Variants in OR7E24 observed in about 807,000 individuals in gnomAD.
OR7E24 encodes olfactory receptor 7E24.
For synonymous variants in OR7E24, 130 were observed against 157.5 expected (o/e 0.83, Z 1.31); for missense variants, 385 against 410.3 (o/e 0.94, Z 0.53).
upstream of OR7E24, chr19:9,247,300 C>A (rs1599233304): frequency 2.5e-6 from 1 of 392,668 alleles, no homozygotes; most frequent in Non-Finnish European, 4.5e-6. Context: ...CCCCAAGGCC[C>A]TAGAATAGTA....
At chr19:9,217,571 A>T in the OR7E24 span, among the ~76,000 whole-genome samples, 1 of 152,012 alleles carries the variant, frequency 6.6e-6, no homozygotes, top group Non-Finnish European at 1.5e-5. Context: ...TGGAATCTCG[A>T]TCTGTTGCCC....
the OR7E24 span, among the ~76,000 whole-genome samples, chr19:9,229,071 C>T: frequency 6.6e-6 from 1 of 152,066 alleles, no homozygotes; most frequent in African/African-American, 2.4e-5. Flanking sequence ...ACATTTTAAT[C>T]ATACTTCAAT....
At chr19:9,223,319 G>A in the OR7E24 span, among the ~76,000 whole-genome samples, 1 of 152,214 alleles carries the variant, frequency 6.6e-6, no homozygotes, top group African/African-American at 2.4e-5. Context: ...ATCAGCCCTT[G>A]TGGCCACTCT....
chr19:9,214,972 A>G, the OR7E24 span: 1 of 605,080 alleles, frequency 1.7e-6, no homozygotes, highest in Admixed American at 3.0e-5. Flanking sequence ...CCTTACAAAG[A>G]CAATGAATCT....
chr19:9,245,487 T>TA (rs1205368007), upstream of OR7E24, among the ~76,000 whole-genome samples: 3 of 152,136 alleles, frequency 2.0e-5, no homozygotes, highest in Non-Finnish European at 4.4e-5. Context: ...TGAAAATCCA[T>TA]ATGATGGTTC....
Position 9,252,090 on chromosome 19 carries a change from G to A in OR7E24, c.*27G>A, listed in dbSNP as rs1037358915. 1 of 1,587,850 alleles carries A rather than the reference G, an allele frequency of 6.3e-7. No homozygotes were observed. The highest frequency in any genetic ancestry group is 8.6e-7 in the Non-Finnish European group (1 of 1,165,178). On this transcript the variant is annotated 3_prime_UTR_variant, in exon 1 of 1. Coordinates refer to ENST00000456448, the MANE Select transcript of OR7E24 (RefSeq NM_001079935.2). ...AATGGCAGCAAAATTTAACACCTAG[G>A]CCTGCAAATTCTGCCTCCTTGGTCA...
At chr19:9,250,799 G>T, upstream of OR7E24, 3 of 335,462 alleles carry the variant, frequency 8.9e-6, no homozygotes, top group South Asian at 7.1e-5. Context: ...ATATTTTACC[G>T]TGATCATGGA....
At chr19:9,213,717 G>T in the OR7E24 span, 18 of 588,766 alleles carry the variant, frequency 3.1e-5, no homozygotes, top group Non-Finnish European at 5.4e-5. Context: ...TAGCCTGGGC[G>T]ACAGAGCCAG....
the OR7E24 span, among the ~76,000 whole-genome samples, chr19:9,217,189 G>A: frequency 1.3e-5 from 2 of 152,162 alleles, no homozygotes; most frequent in African/African-American, 4.8e-5. Context: ...CAAAGACAAG[G>A]CCTGAGAGAA....
the OR7E24 span, among the ~76,000 whole-genome samples, chr19:9,232,903 G>C: frequency 6.6e-6 from 1 of 152,102 alleles, no homozygotes; most frequent in African/African-American, 2.4e-5. Context: ...CACAACCTCA[G>C]ATCCACAAAT....
At chr19:9,239,336 A>G in the OR7E24 span, among the ~76,000 whole-genome samples, 1 of 151,702 alleles carries the variant, frequency 6.6e-6, no homozygotes, top group Admixed American at 6.6e-5. Flanking sequence ...TGCCTGGCAA[A>G]TATTTTTTGT....
At chr19:9,216,233 C>T in the OR7E24 span, among the ~76,000 whole-genome samples, 1 of 152,140 alleles carries the variant, frequency 6.6e-6, no homozygotes. Context: ...GCCTCTGTGG[C>T]CTCCTTGTTC....
chr19:9,250,240 C>T (rs537351523), upstream of OR7E24, among the ~76,000 whole-genome samples: 7 of 152,052 alleles, frequency 4.6e-5, no homozygotes, highest in East Asian at 9.8e-4. Flanking sequence ...GACTACAGGG[C>T]GGCGCCACCA....
At chr19:9,222,575 T>G in the OR7E24 span, among the ~76,000 whole-genome samples, 5 of 152,290 alleles carry the variant, frequency 3.3e-5, no homozygotes, top group East Asian at 7.7e-4. Flanking sequence ...ATAAATAGGA[T>G]TATTTTGTTG....
At chr19:9,242,669 C>T (rs554289042), upstream of OR7E24, among the ~76,000 whole-genome samples, 104 of 152,294 alleles carry the variant, frequency 6.8e-4, 1 homozygote, top group African/African-American at 2.5e-3. Flanking sequence ...ACTTTGCTAT[C>T]CTTTATTTCA....
chr19:9,244,351 T>A (rs1007361894), upstream of OR7E24, among the ~76,000 whole-genome samples: 5 of 152,118 alleles, frequency 3.3e-5, no homozygotes, highest in African/African-American at 1.2e-4. Context: ...TAAAGACACA[T>A]ATACAGAAAA....
the OR7E24 span, among the ~76,000 whole-genome samples, chr19:9,232,399 G>A: frequency 2.6e-5 from 4 of 152,006 alleles, no homozygotes; most frequent in African/African-American, 7.3e-5. Flanking sequence ...TTAGCCAGGC[G>A]TGGTGGTGTG....
chr19:9,222,994 GTCTT>G, the OR7E24 span, among the ~76,000 whole-genome samples: 4 of 152,126 alleles, frequency 2.6e-5, no homozygotes, highest in Non-Finnish European at 4.4e-5. Flanking sequence ...AACTCATTGA[GTCTT>G]TATCATTAAA....
the OR7E24 span, among the ~76,000 whole-genome samples, chr19:9,242,121 G>A: frequency 6.6e-6 from 1 of 152,132 alleles, no homozygotes; most frequent in Non-Finnish European, 1.5e-5. Context: ...TTGTGTTCTT[G>A]TTTCCTCTGG....
Sources: gnomAD v4.1 joint callset for allele counts (sites outside exome capture counted in the v4.1 genomes callset) on GRCh38, gnomAD v4.1.1 for gene constraint, MANE v1.5 for transcripts, NCBI Gene and HGNC (gene_info 2026-07-23, HGNC 2026-07-21) for gene names.